WDR7: variants seen among roughly 807,000 people sequenced by gnomAD.
The protein encoded by WDR7 is WD repeat-containing protein 7.
WDR7 carries 46 observed loss-of-function variants against 169.4 expected under a neutral mutation model. The ratio of observed to expected loss-of-function variants is 0.27; its 90% CI spans 0.21 to 0.35. WDR7 has a LOEUF of 0.35. WDR7 is among the 10% of genes least tolerant of loss of function. WDR7 has a pLI of 1.00. For synonymous variants in WDR7, 612 were observed against 666.8 expected (o/e 0.92, Z 1.27); for missense variants, 1,534 against 1,859.3 (o/e 0.83, Z 3.22).
At chr18:56,722,979 A>T (rs1350283995) in intron 13 of WDR7, among the ~76,000 whole-genome samples, 1 of 152,154 alleles carries the variant, frequency 6.6e-6, no homozygotes, top group African/African-American at 2.4e-5. Context: ...GCTTCATATT[A>T]ATGTCTTAAT....
intron 26 of WDR7, among the ~76,000 whole-genome samples, chr18:57,005,531 G>A (rs181313498): frequency 1.6e-4 from 24 of 152,162 alleles, no homozygotes; most frequent in Non-Finnish European, 2.5e-4. Context: ...AAATCTGGAA[G>A]ACTGTAAGCC....
At chr18:56,950,462 AT>A (rs1255451231) in intron 25 of WDR7, among the ~76,000 whole-genome samples, 2 of 152,194 alleles carry the variant, frequency 1.3e-5, no homozygotes, top group African/African-American at 2.4e-5. Context: ...ATACCTCAGT[AT>A]TTTTATGAAA....
At chr18:56,910,239 A>T (rs1314031615) in intron 21 of WDR7, among the ~76,000 whole-genome samples, 1 of 151,798 alleles carries the variant, frequency 6.6e-6, no homozygotes, top group Non-Finnish European at 1.5e-5. Flanking sequence ...CAAAAGATAA[A>T]CAAGTTCCCA....
chr18:56,699,162 C>A (rs1386559543), intron 12 of WDR7, among the ~76,000 whole-genome samples: 1 of 152,064 alleles, frequency 6.6e-6, no homozygotes, highest in Non-Finnish European at 1.5e-5. Flanking sequence ...ATAATGACTG[C>A]CTAGTTAATA....
chr18:56,933,783 T>G (rs1407675210), intron 22 of WDR7, among the ~76,000 whole-genome samples: 1 of 152,236 alleles, frequency 6.6e-6, no homozygotes, highest in Non-Finnish European at 1.5e-5. Flanking sequence ...TAAATACCTG[T>G]ATCAACCACT....
At chr18:56,923,466 T>A (rs779287902) in intron 21 of WDR7, among the ~76,000 whole-genome samples, 27 of 152,228 alleles carry the variant, frequency 1.8e-4, no homozygotes, top group Non-Finnish European at 3.4e-4. Flanking sequence ...CTACATGTTC[T>A]ACATTCTCCA....
chr18:56,883,588 C>A (rs2046143734), intron 21 of WDR7, among the ~76,000 whole-genome samples: 1 of 150,548 alleles, frequency 6.6e-6, no homozygotes, highest in African/African-American at 2.4e-5. Context: ...GTCGTGATTT[C>A]TGAGATTTTG....
At chr18:56,700,257 T>TC (rs1411869550) in intron 12 of WDR7, among the ~76,000 whole-genome samples, 3 of 86,510 alleles carry the variant, frequency 3.5e-5, no homozygotes, top group Non-Finnish European at 7.0e-5. Flanking sequence ...ATTTTCTTTT[T>TC]TTTTTTTTTT....
intron 12 of WDR7, among the ~76,000 whole-genome samples, chr18:56,706,125 A>G (rs2025947712): frequency 6.6e-6 from 1 of 152,254 alleles, no homozygotes; most frequent in Non-Finnish European, 1.5e-5. Context: ...AGTAAAGATA[A>G]TAAAATATGG....
intron 13 of WDR7, 43 bp from the exon 14 acceptor site, chr18:56,731,340 G>A (rs746871120): frequency 6.9e-6 from 11 of 1,591,552 alleles, no homozygotes; most frequent in East Asian, 6.7e-5. Flanking sequence ...TATTCAAAAT[G>A]TTGTAGTGTT....
At chr18:56,660,673 AGAAAG>A (rs987004938) in intron 1 of WDR7, among the ~76,000 whole-genome samples, 2 of 149,720 alleles carry the variant, frequency 1.3e-5, no homozygotes, top group Admixed American at 6.6e-5. Flanking sequence ...AAAAAAAAAA[AGAAAG>A]AAAAGAAAGA....
In WDR7 at chr18:56,757,057, G is replaced by C. The variant is rs1263566473; in HGVS notation, c.2464G>C (p.Asp822His). The C allele has an allele frequency of 1.7e-5, 28 of 1,614,130 alleles. No individual in the cohort carries two copies. The highest frequency in any genetic ancestry group is 2.1e-5 in the Non-Finnish European group (25 of 1,180,004). Residue 822 changes from aspartate to histidine, a missense_variant, in exon 15 of 28, where the codon GAT (aspartate) becomes CAT (histidine). By Grantham distance (81) the Asp-to-His change is moderately conservative. Coordinates refer to ENST00000254442, the MANE Select transcript of WDR7 (RefSeq NM_015285.3). ...LNEVLDEVCL[D>H]RLGMLKPHCT... The stretch of plus-strand genomic sequence containing the variant: ...TGAAGTACTGGATGAAGTTTGCCTG[G>C]ATCGCCTTGGAATGCTGAAACCCCA...
At chr18:56,677,537 A>T (rs2025269024) in intron 2 of WDR7, among the ~76,000 whole-genome samples, 1 of 151,888 alleles carries the variant, frequency 6.6e-6, no homozygotes, top group South Asian at 2.1e-4. Context: ...TTTAGTAGAG[A>T]TGGGGTTTTG....
chr18:56,775,959 G>A (rs1321679570), intron 16 of WDR7, among the ~76,000 whole-genome samples: 1 of 152,168 alleles, frequency 6.6e-6, no homozygotes, highest in Non-Finnish European at 1.5e-5. Context: ...TTTCGCCATA[G>A]GAAAGAAGTG....
At chr18:56,754,618 A>G (rs1274157860) in intron 14 of WDR7, among the ~76,000 whole-genome samples, 3 of 152,118 alleles carry the variant, frequency 2.0e-5, no homozygotes, top group African/African-American at 7.2e-5. Context: ...GTATTTTTCT[A>G]CATGGTTAGA....
intron 21 of WDR7, among the ~76,000 whole-genome samples, chr18:56,883,481 A>G (rs1484946787): frequency 6.7e-6 from 1 of 150,096 alleles, no homozygotes; most frequent in East Asian, 1.9e-4. Flanking sequence ...TTAAAAGTCC[A>G]TTTAATCTCT....
chr18:56,875,935 A>G (rs1449962391), intron 20 of WDR7, among the ~76,000 whole-genome samples: 2 of 152,108 alleles, frequency 1.3e-5, no homozygotes, highest in African/African-American at 4.8e-5. Context: ...TTTCCTTGAC[A>G]CCAGTCTTGT....
chr18:56,718,170 G>C lies in WDR7; in HGVS notation c.1774+11G>C. The C allele has an allele frequency of 6.5e-7, 1 of 1,540,958 alleles. No homozygotes were observed. Among genetic ancestry groups the C allele is most frequent in the Non-Finnish European group, 8.7e-7 (1 of 1,143,156 alleles). ...GGCAAATGGATACTGGTAAGAACAA[G>C]TATGAAGAGATACTATAGAAAATTA... On this transcript the variant is annotated intron_variant, in intron 13 of 27. Transcript: ENST00000254442.
intron 19 of WDR7, among the ~76,000 whole-genome samples, chr18:56,809,922 A>G (rs2044840155): frequency 6.6e-6 from 1 of 151,992 alleles, no homozygotes; most frequent in Non-Finnish European, 1.5e-5. Flanking sequence ...ATTTTGCTTT[A>G]CCTCTTTATA....
Sources: allele counts gnomAD v4.1 joint callset (sites outside exome capture counted in the v4.1 genomes callset), GRCh38; gene constraint gnomAD v4.1.1; transcripts MANE v1.5; gene names NCBI Gene and HGNC (gene_info 2026-07-23, HGNC 2026-07-21).